DNAH14: variants seen among roughly 807,000 people sequenced by gnomAD.
DNAH14 encodes dynein axonemal heavy chain 14, also known as axonemal beta dynein heavy chain 14.
In DNAH14, 478 loss-of-function variants were observed where a neutral mutation model predicts 520.9. The observed-to-expected ratio is 0.92, with a 90% CI of 0.85 to 0.99. The LOEUF (loss-of-function observed/expected upper bound fraction) is 0.99. Ranked by LOEUF, DNAH14 falls within the 50% of genes least tolerant of loss-of-function variation. The pLI is 0.00. For synonymous variants in DNAH14, 1,581 were observed against 1,757.2 expected (o/e 0.90, Z 2.51); for missense variants, 4,831 against 5,234.5 (o/e 0.92, Z 2.38).
At chr1:225,103,421 G>A (rs2075709392) in intron 23 of DNAH14, among the ~76,000 whole-genome samples, 1 of 152,118 alleles carries the variant, frequency 6.6e-6, no homozygotes, top group African/African-American at 2.4e-5. Context: ...TTCCAATTCT[G>A]TGAAGAAAGT....
At chr1:225,107,029 T>C (rs1234122543) in intron 23 of DNAH14, among the ~76,000 whole-genome samples, 1 of 152,222 alleles carries the variant, frequency 6.6e-6, no homozygotes, top group African/African-American at 2.4e-5. Flanking sequence ...TGGTCTTTGA[T>C]GGTGGTGACG....
chr1:225,142,014 G>A (rs76422085), intron 28 of DNAH14, among the ~76,000 whole-genome samples: 1 of 152,010 alleles, frequency 6.6e-6, no homozygotes, highest in African/African-American at 2.4e-5. Context: ...ATGTAACTGA[G>A]GCCACTGTTG....
intron 68 of DNAH14, among the ~76,000 whole-genome samples, chr1:225,339,972 A>G (rs2095144787): frequency 6.6e-6 from 1 of 152,144 alleles, no homozygotes; most frequent in African/African-American, 2.4e-5. Context: ...TACAATGTAC[A>G]CTGCTCAGGT....
intron 21 of DNAH14, among the ~76,000 whole-genome samples, chr1:225,094,116 A>G (rs1241766446): frequency 6.6e-6 from 1 of 152,166 alleles, no homozygotes; most frequent in Non-Finnish European, 1.5e-5. Flanking sequence ...TCTTCACAGA[A>G]TTAGAAAAAT....
chr1:225,335,373 GTGTGTATA>G (rs2094935353), intron 66 of DNAH14, among the ~76,000 whole-genome samples: 4 of 83,530 alleles, frequency 4.8e-5, no homozygotes, highest in South Asian at 8.8e-4. Context: ...GTGTACATGT[GTGTGTATA>G]TGCACATATA....
intron 66 of DNAH14, among the ~76,000 whole-genome samples, chr1:225,336,052 T>TGTATATACAC (rs1209172646): frequency 7.0e-6 from 1 of 141,938 alleles, no homozygotes; most frequent in African/African-American, 2.7e-5. Flanking sequence ...TATGCATATA[T>TGTATATACAC]ACATATATGT....
At chr1:225,152,198 A>G in intron 32 of DNAH14, 125 bp downstream of exon 32, 1 of 761,542 alleles carries the variant, frequency 1.3e-6, no homozygotes, top group African/African-American at 1.8e-5. Flanking sequence ...TCCTCTGAAC[A>G]CTTCCACTCC....
At chr1:225,162,345 G>A (rs188881961) in intron 35 of DNAH14, among the ~76,000 whole-genome samples, 1 of 152,224 alleles carries the variant, frequency 6.6e-6, no homozygotes, top group African/African-American at 2.4e-5. Flanking sequence ...CCGTTCGTCT[G>A]TATGGATATT....
chr1:225,335,936 TATAC>T (rs1249235860), intron 66 of DNAH14, among the ~76,000 whole-genome samples: 1 of 121,708 alleles, frequency 8.2e-6, no homozygotes, highest in East Asian at 2.1e-4. Flanking sequence ...TATACCTATA[TATAC>T]ATATATGTAT....
intron 10 of DNAH14, 108 bp downstream of exon 10, chr1:225,007,652 C>A (rs1216513408): frequency 3.2e-6 from 3 of 950,332 alleles, no homozygotes; most frequent in South Asian, 2.1e-5. Flanking sequence ...AGGTAAGGAA[C>A]AAAGGTGGTT....
At position 225,086,449 on chromosome 1, in the gene DNAH14, A is replaced by G. The variant is rs2073811789; in HGVS notation, c.3573+660A>G. Among the ~76,000 whole-genome samples the G allele has an allele frequency of 2.0e-5, 3 of 152,038 alleles. No homozygotes were observed. The South Asian group carries it at 6.2e-4, about 32-fold the overall frequency. On this transcript the variant is annotated intron_variant, in intron 21 of 85. Transcript: ENST00000682510. Reference sequence around the variant, plus strand: ...GTGCCCGACCCCTAATAATTATTTTAAAATGTCAAGAAACTCAACATGACA... The same window carrying G: ...GTGCCCGACCCCTAATAATTATTTTGAAATGTCAAGAAACTCAACATGACA...
intron 19 of DNAH14, among the ~76,000 whole-genome samples, chr1:225,082,123 TTAAA>T (rs200300267): frequency 3.4e-3 from 507 of 150,530 alleles, no homozygotes; most frequent in East Asian, 6.3e-3. Flanking sequence ...AAGATGTTAA[TTAAA>T]TAAATAAATA....
chr1:225,203,901 C>A (rs970411671), intron 38 of DNAH14, among the ~76,000 whole-genome samples: 2 of 152,100 alleles, frequency 1.3e-5, no homozygotes, highest in African/African-American at 4.8e-5. Context: ...AGAACTTTTG[C>A]TTTCTTGTGT....
At position 225,100,759 on chromosome 1, in the gene DNAH14, T is replaced by C; in HGVS notation, c.3742T>C (p.Trp1248Arg). The stretch of plus-strand genomic sequence containing the variant: ...ACTTTTCTCTCAAGTGATTTCCATG[T>C]GGAAAAAAATAATGTCAAAAATACA... ...TELFSQVISM[W>R]KKIMSKIQNK... Residue 1248 changes from tryptophan to arginine, a missense_variant, in exon 23 of 86, where the codon TGG (tryptophan) becomes CGG (arginine). Transcript: ENST00000682510. 6 of 1,535,574 alleles carry C rather than the reference T, an allele frequency of 3.9e-6. No homozygotes were observed. The highest frequency in any genetic ancestry group is 5.3e-6 in the Non-Finnish European group (6 of 1,142,344).
At chr1:225,146,868 G>A (rs1018999006) in intron 30 of DNAH14, among the ~76,000 whole-genome samples, 1 of 148,784 alleles carries the variant, frequency 6.7e-6, no homozygotes, top group African/African-American at 2.6e-5. Context: ...GTCCCTGTGA[G>A]CATCAGAGTT....
intron 10 of DNAH14, among the ~76,000 whole-genome samples, chr1:225,008,575 C>CTTTTTTTTTTTTTTTTTT (rs57331050): frequency 5.1e-5 from 5 of 98,308 alleles, no homozygotes; most frequent in Non-Finnish European, 7.3e-5. Context: ...TTTTTCCTGA[C>CTTTTTTTTTTTTTTTTTT]TTTTTTTTTT....
chr1:225,168,965 G>A (rs6675157), intron 36 of DNAH14, among the ~76,000 whole-genome samples: 7,085 of 152,162 alleles, frequency 0.047, 498 homozygotes, highest in African/African-American at 0.16. Context: ...CCAGAGGAAC[G>A]ATCTGGCAGC....
intron 77 of DNAH14, among the ~76,000 whole-genome samples, chr1:225,374,145 CTATATATA>C (rs71170080): frequency 0.02 from 649 of 33,038 alleles, 54 homozygotes; most frequent in African/African-American, 0.069. Context: ...TTGTGTCTTA[CTATATATA>C]TATATATATA....
intron 4 of DNAH14, 149 bp downstream of exon 4, chr1:224,960,451 CTT>C: frequency 1.1e-6 from 1 of 876,918 alleles, no homozygotes; most frequent in Non-Finnish European, 1.6e-6. Flanking sequence ...TATTACAATG[CTT>C]TTAAAATTCT....
Sources: allele counts gnomAD v4.1 joint callset (sites outside exome capture counted in the v4.1 genomes callset), GRCh38; gene constraint gnomAD v4.1.1; transcripts MANE v1.5; gene names NCBI Gene and HGNC (gene_info 2026-07-23, HGNC 2026-07-21).